Variants in ZNF254 observed in about 807,000 individuals in gnomAD.
ZNF254 encodes the protein zinc finger protein 254.
In ZNF254, 10 loss-of-function variants were observed where a neutral mutation model predicts 12.4. The observed-to-expected ratio is 0.80, with a 90% confidence interval of 0.50 to 1.36. The LOEUF is 1.36. Among genes scored for constraint, ZNF254 ranks in the 40% most tolerant of loss-of-function variants. The pLI is 0.00. For synonymous variants in ZNF254, 305 were observed against 253.4 expected (o/e 1.20, Z -1.93); for missense variants, 996 against 763.9 (o/e 1.30, Z -3.58).
chr19:24,065,585 T>G (rs1188159948), intron 2 of ZNF254: 1 of 152,218 alleles, frequency 6.6e-6, no homozygotes, highest in African/African-American at 2.4e-5. Context: ...TGGGTGTGAT[T>G]GTTACATATG....
chr19:24,086,079 C>T (rs947100099), upstream of ZNF254, among the ~76,000 whole-genome samples: 2 of 151,280 alleles, frequency 1.3e-5, no homozygotes, highest in African/African-American at 2.4e-5. Context: ...TGGTGATGCA[C>T]GCCTGTAATC....
upstream of ZNF254, among the ~76,000 whole-genome samples, chr19:24,083,677 T>TTAA (rs1462954758): frequency 2.0e-5 from 3 of 152,088 alleles, no homozygotes; most frequent in Non-Finnish European, 4.4e-5. Context: ...CAGATGAGAC[T>TTAA]TAATTAATTC....
chr19:24,044,967 A>G (rs529120073), intron 1 of ZNF254, among the ~76,000 whole-genome samples: 3 of 152,340 alleles, frequency 2.0e-5, no homozygotes, highest in Admixed American at 6.5e-5. Context: ...CTGAGTCGGA[A>G]TAACTTACCT....
intron 1 of ZNF254, chr19:24,099,105 T>C (rs1245356147): frequency 2.0e-5 from 3 of 149,378 alleles, no homozygotes; most frequent in African/African-American, 7.4e-5. Flanking sequence ...GAAGCAATTC[T>C]TCTGCCTCAG....
At chr19:24,107,661 C>G (rs1284633172) in intron 3 of ZNF254, among the ~76,000 whole-genome samples, 1 of 152,090 alleles carries the variant, frequency 6.6e-6, no homozygotes, top group Non-Finnish European at 1.5e-5. Flanking sequence ...ATTTCAATGA[C>G]TTTAAATTTT....
chr19:24,072,469 G>A (rs751249513), intron 2 of ZNF254, among the ~76,000 whole-genome samples: 1 of 152,092 alleles, frequency 6.6e-6, no homozygotes, highest in Non-Finnish European at 1.5e-5. Flanking sequence ...ACTGTGCCAC[G>A]CCTTATTACC....
intron 2 of ZNF254, among the ~76,000 whole-genome samples, chr19:24,065,276 C>G (rs1317140471): frequency 6.6e-6 from 1 of 152,196 alleles, no homozygotes; most frequent in African/African-American, 2.4e-5. Context: ...TACAGTGAGC[C>G]TTGTGACACC....
chr19:24,043,454 A>G (rs7508578), intron 1 of ZNF254, among the ~76,000 whole-genome samples: 24,128 of 151,868 alleles, frequency 0.16, 2,070 homozygotes, highest in Middle Eastern at 0.23. Context: ...TAGAGACGGC[A>G]TTTCACTATA....
At chr19:24,057,176 G>A (rs147806904) in intron 2 of ZNF254, among the ~76,000 whole-genome samples, 16 of 152,258 alleles carry the variant, frequency 1.1e-4, no homozygotes, top group Non-Finnish European at 2.9e-5. Flanking sequence ...GAAAACAGAT[G>A]GGATTGTGAT....
chr19:24,099,081 C>T (rs1054060265), intron 1 of ZNF254: 3 of 145,224 alleles, frequency 2.1e-5, no homozygotes, highest in Non-Finnish European at 4.5e-5. Context: ...ACTGCAACCT[C>T]TGCCTCCTGG....
chr19:24,127,938 C>T lies in ZNF254; in HGVS notation c.1938C>T (p.Thr646=). 1 of 1,590,724 alleles carries T rather than the reference C, an allele frequency of 6.3e-7. No individual in the cohort carries two copies. ...CCTTTAATCGGTCCTCGCACCTCAC[C>T]ACAGATAAGATAACTCATTGGAGAG... is the stretch of plus-strand genomic sequence containing the variant. ...GKAFNRSSHL[T]TDKITHWREI... Residue 646 remains threonine, a synonymous_variant, in exon 4 of 4, where the codon ACC becomes ACT. Coordinates refer to ENST00000357002, the MANE Select transcript of ZNF254 (RefSeq NM_203282.4).
upstream of ZNF254, among the ~76,000 whole-genome samples, chr19:24,082,948 T>A (rs1971903483): frequency 6.6e-6 from 1 of 152,144 alleles, no homozygotes; most frequent in Non-Finnish European, 1.5e-5. Context: ...TTCAACATAG[T>A]ACTTGGAAGT....
chr19:24,108,559 C>G (rs1395458341), intron 3 of ZNF254, among the ~76,000 whole-genome samples: 1 of 152,060 alleles, frequency 6.6e-6, no homozygotes, highest in Non-Finnish European at 1.5e-5. Context: ...ATATTTTGAT[C>G]AAAAGCAATT....
At chr19:24,034,493 TTTTTTTTTTTTTTTTTTC>T (rs1159846322) in intron 1 of ZNF254, among the ~76,000 whole-genome samples, 1 of 128,292 alleles carries the variant, frequency 7.8e-6, no homozygotes, top group Non-Finnish European at 1.7e-5. Context: ...AGTGGGTTTT[TTTTTTTTTTTTTTTTTTC>T]TTTTGTGCCA....
rs536027840 is a variant in ZNF254 at position 24,075,297 on chromosome 19, C to G, written c.-94+29018C>G. On this transcript the variant is annotated intron_variant, in intron 2 of 4. Coordinates refer to the ZNF254 transcript ENST00000613065. ...AGACTGCTCCTTTCTTGACCCTGCC[C>G]ATGGGGGCTTTGTGACATATCTCTA... 2.0e-5 allele frequency among the ~76,000 whole-genome samples: 3 copies of G among 152,212 alleles called. No homozygotes were observed. The East Asian group carries it at 5.8e-4, about 29-fold the overall frequency.
At chr19:24,060,007 C>T (rs1971009318) in intron 2 of ZNF254, among the ~76,000 whole-genome samples, 1 of 152,170 alleles carries the variant, frequency 6.6e-6, no homozygotes, top group East Asian at 1.9e-4. Flanking sequence ...TGTGACATCA[C>T]TGGATCCAGC....
In ZNF254 at chr19:24,129,262, AAAT is replaced by A. The variant is rs1367225134; in HGVS notation, c.*1287_*1289del. On this transcript the variant is annotated 3_prime_UTR_variant, in exon 4 of 4. Coordinates refer to ENST00000357002, the MANE Select transcript of ZNF254 (RefSeq NM_203282.4). ...TTATTTTATTAATTGTACTTCTATG[AAAT>A]AATATGCAGTCTATTTTTAAATTAT... is the stretch of plus-strand genomic sequence containing the variant. 1.3e-5 allele frequency: 2 copies of A among 152,036 alleles called. No individual in the cohort carries two copies. Among genetic ancestry groups the A allele is most frequent in the Middle Eastern group, 3.2e-3 (1 of 316 alleles). The allele number at this position is 152,036 out of a possible 1,614,324, so 9.4% of individuals were successfully genotyped here.
rs1266415433 is a variant in ZNF254, at chr19:24,129,083, TA to T, written c.*1105del. The T allele has an allele frequency of 6.6e-6, 1 of 152,014 alleles. No individual in the cohort carries two copies. The highest frequency in any genetic ancestry group is 2.4e-5 in the African/African-American group (1 of 41,432). 9.4% of individuals were successfully genotyped at this position (152,014 alleles called of 1,614,324 possible). A position where few individuals can be genotyped will look rare whatever the true frequency, so the allele number is the denominator to read the frequency against. ...ATGAAAAGATAAGGACATTAAAATG[TA>T]AGATGCGTGAGGAAAATTTAGGTAG... On this transcript the variant is annotated 3_prime_UTR_variant, in exon 4 of 4. Coordinates refer to ENST00000357002, the MANE Select transcript of ZNF254 (RefSeq NM_203282.4).
Position 24,121,241 on chromosome 19 carries a change from G to GT in ZNF254, c.254-5004dup, listed in dbSNP as rs199829715. Among the ~76,000 whole-genome samples the GT allele has an allele frequency of 2.4e-3, 363 of 149,876 alleles. 1 individual carries two copies. Among genetic ancestry groups the GT allele is most frequent in the Non-Finnish European group, 3.8e-3 (259 of 67,450 alleles). ...TTTATCTTCAAGTAACCACTGTATT[G>GT]TTTTTTTTTCCCCATATTCTTCTTC... On this transcript the variant is annotated intron_variant, in intron 3 of 3. Coordinates refer to ENST00000357002, the MANE Select transcript of ZNF254 (RefSeq NM_203282.4).
Sources: gnomAD v4.1 joint callset for allele counts (sites outside exome capture counted in the v4.1 genomes callset) on GRCh38, gnomAD v4.1.1 for gene constraint, MANE v1.5 for transcripts, NCBI Gene and HGNC (gene_info 2026-07-23, HGNC 2026-07-21) for gene names.